The following EXOC4 variants were observed in gnomAD, a reference collection of about 807,000 sequenced individuals.
EXOC4 encodes the protein exocyst complex component 4.
In EXOC4, 71 loss-of-function variants were observed where a neutral mutation model predicts 107.2. The ratio of observed to expected loss-of-function variants is 0.66; its 90% CI spans 0.55 to 0.81. The LOEUF is 0.81. Among genes scored for constraint, EXOC4 ranks in the 30% least tolerant of loss-of-function variants. EXOC4 has a pLI of 0.00. For missense variants in EXOC4, 1,108 were observed against 1,189.6 expected, an observed-to-expected ratio of 0.93 and a Z score of 1.01; for synonymous variants, 456 against 441.2, an observed-to-expected ratio of 1.03 and a Z score of -0.42.
At chr7:133,364,542 A>G (rs1300366212) in intron 6 of EXOC4, among the ~76,000 whole-genome samples, 1 of 152,200 alleles carries the variant, frequency 6.6e-6, no homozygotes, top group East Asian at 1.9e-4. Context: ...CTATGGACCC[A>G]CATCACCAGT....
intron 14 of EXOC4, among the ~76,000 whole-genome samples, chr7:133,943,333 T>C (rs1800474982): frequency 1.3e-5 from 2 of 152,230 alleles, no homozygotes; most frequent in Admixed American, 1.3e-4. Flanking sequence ...TGAAGGTTGA[T>C]GTTTTTGGCT....
At chr7:133,449,037 G>A (rs1261190240) in intron 7 of EXOC4, among the ~76,000 whole-genome samples, 1 of 152,178 alleles carries the variant, frequency 6.6e-6, no homozygotes, top group African/African-American at 2.4e-5. Flanking sequence ...GAATCTGGGA[G>A]GTGGAGTTTG....
At chr7:133,335,094 AT>A (rs2150612735) in intron 5 of EXOC4, among the ~76,000 whole-genome samples, 1 of 152,260 alleles carries the variant, frequency 6.6e-6, no homozygotes, top group East Asian at 1.9e-4. Flanking sequence ...ATGCACGTGC[AT>A]TTTCATGTTG....
intron 14 of EXOC4, among the ~76,000 whole-genome samples, chr7:133,946,161 C>T (rs531859092): frequency 1.3e-5 from 2 of 152,090 alleles, no homozygotes; most frequent in African/African-American, 4.8e-5. Context: ...TTTCCGTGCC[C>T]TTCATCGTTT....
In EXOC4 at chr7:133,339,116, T is replaced by C. The variant is rs371253689; in HGVS notation, c.764-17214T>C. ...GCTCCCACTTATAAGTGAGAACATATGATGTTTGGTTTTCCATTCTTGTGT... is the reference window on the plus strand; with the variant it reads ...GCTCCCACTTATAAGTGAGAACATACGATGTTTGGTTTTCCATTCTTGTGT... On this transcript the variant is annotated intron_variant, in intron 5 of 17. Coordinates refer to ENST00000253861, the MANE Select transcript of EXOC4 (RefSeq NM_021807.4). Among the ~76,000 whole-genome samples the C allele has an allele frequency of 5.9e-5, 9 of 152,222 alleles. No individual in the cohort carries two copies. The East Asian group carries it at 1.2e-3, about 20-fold the overall frequency.
At chr7:133,617,024 C>G (rs534797966) in intron 9 of EXOC4, among the ~76,000 whole-genome samples, 1 of 152,114 alleles carries the variant, frequency 6.6e-6, no homozygotes, top group Admixed American at 6.6e-5. Context: ...TACTTAACAC[C>G]GTATACTTTA....
chr7:133,823,882 A>ATATATAAAT (rs1797619058), intron 11 of EXOC4, among the ~76,000 whole-genome samples: 1 of 20,922 alleles, frequency 4.8e-5, no homozygotes, highest in African/African-American at 6.9e-4. Flanking sequence ...TTATATATAT[A>ATATATAAAT]TATATATATA....
At chr7:133,922,835 C>T (rs924439392) in intron 13 of EXOC4, among the ~76,000 whole-genome samples, 110 of 149,368 alleles carry the variant, frequency 7.4e-4, no homozygotes, top group African/African-American at 2.3e-3. Context: ...GGCGACAGAG[C>T]GAGACTCCGT....
chr7:133,894,437 T>G (rs1256854177), intron 11 of EXOC4, among the ~76,000 whole-genome samples: 1 of 142,928 alleles, frequency 7.0e-6, no homozygotes, highest in African/African-American at 2.8e-5. Flanking sequence ...CTCGTCAAAA[T>G]CATTCTCCAT....
chr7:133,945,232 C>T (rs1173027115), intron 14 of EXOC4, among the ~76,000 whole-genome samples: 3 of 152,144 alleles, frequency 2.0e-5, no homozygotes, highest in Non-Finnish European at 1.5e-5. Flanking sequence ...AGCCTCATCG[C>T]ATTAGAAATG....
At chr7:133,395,135 C>A (rs562212016) in intron 7 of EXOC4, among the ~76,000 whole-genome samples, 2 of 143,704 alleles carry the variant, frequency 1.4e-5, no homozygotes, top group Non-Finnish European at 3.0e-5. Flanking sequence ...TTAACTTGGT[C>A]GCAGTTGAAG....
chr7:133,589,875 ATC>A (rs1433681613), intron 9 of EXOC4, among the ~76,000 whole-genome samples: 1 of 152,236 alleles, frequency 6.6e-6, no homozygotes, highest in East Asian at 1.9e-4. Flanking sequence ...TACATAAAGA[ATC>A]AATAATTTTG....
At chr7:133,602,438 G>A (rs554759933) in intron 9 of EXOC4, among the ~76,000 whole-genome samples, 1 of 152,258 alleles carries the variant, frequency 6.6e-6, no homozygotes, top group South Asian at 2.1e-4. Context: ...GTTGTTATTG[G>A]CGATTGAGTT....
At chr7:133,791,681 G>A (rs1796706549) in intron 10 of EXOC4, among the ~76,000 whole-genome samples, 1 of 152,136 alleles carries the variant, frequency 6.6e-6, no homozygotes, top group Non-Finnish European at 1.5e-5. Context: ...TGTAAACTAG[G>A]TTCCCGAAAA....
At chr7:133,702,739 G>A (rs1794693410) in intron 10 of EXOC4, among the ~76,000 whole-genome samples, 1 of 152,150 alleles carries the variant, frequency 6.6e-6, no homozygotes, top group African/African-American at 2.4e-5. Flanking sequence ...AATGCTTCCA[G>A]CAGAGTCATC....
intron 10 of EXOC4, among the ~76,000 whole-genome samples, chr7:133,700,519 C>T (rs1263561685): frequency 6.6e-5 from 10 of 152,054 alleles, no homozygotes; most frequent in Non-Finnish European, 1.5e-4. Flanking sequence ...AAATTGTTTC[C>T]ATTTATTCAT....
At chr7:134,052,753 C>T (rs746646553) in intron 17 of EXOC4, among the ~76,000 whole-genome samples, 3 of 152,134 alleles carry the variant, frequency 2.0e-5, no homozygotes, top group Non-Finnish European at 2.9e-5. Context: ...AATTTCCAGT[C>T]ATGCATCTTA....
At chr7:133,990,540 C>T (rs1320839572) in intron 14 of EXOC4, among the ~76,000 whole-genome samples, 1 of 152,130 alleles carries the variant, frequency 6.6e-6, no homozygotes, top group Non-Finnish European at 1.5e-5. Context: ...ACCTCCTCCT[C>T]CTGGGTCCCG....
chr7:133,476,015 A>T (rs560943831), intron 8 of EXOC4, among the ~76,000 whole-genome samples: 1 of 152,136 alleles, frequency 6.6e-6, no homozygotes, highest in Non-Finnish European at 1.5e-5. Context: ...AATATTGATA[A>T]TAACTTCAAT....
Sources: allele counts gnomAD v4.1 joint callset (sites outside exome capture counted in the v4.1 genomes callset), GRCh38; gene constraint gnomAD v4.1.1; transcripts MANE v1.5; gene names NCBI Gene and HGNC (gene_info 2026-07-23, HGNC 2026-07-21).